MAP1A: variants seen among roughly 807,000 people sequenced by gnomAD.
MAP1A encodes the protein microtubule associated protein 1A, also known as microtubule-associated protein 1A.
Under a neutral mutation model 185.9 loss-of-function variants are expected in MAP1A, and 42 were observed. That is an observed-to-expected ratio of 0.23 (90% CI 0.18 to 0.29). The LOEUF (loss-of-function observed/expected upper bound fraction) is 0.29, where lower values mean the gene tolerates loss of function less well. MAP1A is among the 10% of genes least tolerant of loss of function. The pLI is 1.00. For synonymous variants in MAP1A, 1,229 were observed against 1,335.9 expected (o/e 0.92, Z 1.74); for missense variants, 2,995 against 3,450.4 (o/e 0.87, Z 3.31).
chr15:43,527,293 C>T lies in MAP1A; in HGVS notation c.5820C>T (p.Ser1940=). The T allele has an allele frequency of 6.2e-7, 1 of 1,614,172 alleles. No individual in the cohort carries two copies. Among genetic ancestry groups the T allele is most frequent in the Non-Finnish European group, 8.5e-7 (1 of 1,180,014 alleles). Residue 1940 remains serine, a synonymous_variant, in exon 4 of 6, where the codon AGC becomes AGT. Transcript: ENST00000300231. ...HSSKVPEASK[S]HATTEPEQTE... ...CAAAGGTACCAGAGGCCAGCAAAAG[C>T]CATGCCACCACGGAGCCTGAGCAGA...
At position 43,526,480 on chromosome 15, in the gene MAP1A, G is replaced by T; in HGVS notation, c.5007G>T (p.Pro1669=). 1.2e-6 allele frequency: 2 copies of T among 1,614,074 alleles called. No individual in the cohort carries two copies. Among genetic ancestry groups the T allele is most frequent in the Non-Finnish European group, 1.7e-6 (2 of 1,180,006 alleles). ...EPAGEQKELA[P]AWEDTSPEQD... ...CTGGAGAACAGAAAGAGCTTGCCCC[G>T]GCATGGGAGGACACATCTCCTGAGC... The change falls in exon 4 of 6, where the codon CCG becomes CCT. Residue 1669 remains proline (P), a synonymous_variant. Coordinates refer to ENST00000300231, the MANE Select transcript of MAP1A (RefSeq NM_002373.6). The surrounding 1 kb of genome is among the most constrained non-coding windows in gnomAD (Gnocchi z 4.7).
chr15:43,521,064 T>G lies in MAP1A; in HGVS notation c.-199T>G, dbSNP rs1376024023. On this transcript the variant is annotated 5_prime_UTR_variant, in exon 3 of 6. Coordinates refer to ENST00000300231, the MANE Select transcript of MAP1A (RefSeq NM_002373.6). This position sits in a 1 kb window ranked among gnomAD's most constrained non-coding sequence, Gnocchi z 4.6. ...CTGGGGGAGACCTCATCCTACAGAG[T>G]GGCACCTACTCATATGAAAACTTTG... 1 of 1,550,206 alleles carries G rather than the reference T, an allele frequency of 6.5e-7. No homozygotes were observed.
Position 43,525,441 on chromosome 15 carries a change from T to C in MAP1A, c.3968T>C (p.Phe1323Ser). The change falls in exon 4 of 6, where the codon TTC (phenylalanine) becomes TCC (serine). Residue 1323 changes from phenylalanine (F) to serine (S), a missense_variant. Coordinates refer to ENST00000300231, the MANE Select transcript of MAP1A (RefSeq NM_002373.6). ...DEHILTPDSS[F>S]SKSPESLPGP... ...CACATTCTGACACCTGATAGCTCCT[T>C]CTCCAAGAGTCCTGAGTCTTTGCCA... 1 of 1,614,200 alleles carries C rather than the reference T, an allele frequency of 6.2e-7. No homozygotes were observed. The highest frequency in any genetic ancestry group is 8.5e-7 in the Non-Finnish European group (1 of 1,180,030).
rs752139597 is a variant in MAP1A, at chr15:43,528,545, G to A, written c.7072G>A (p.Ala2358Thr). 11 of 1,613,502 alleles carry A rather than the reference G, an allele frequency of 6.8e-6. No individual in the cohort carries two copies. The East Asian group carries it at 2.5e-4, about 36-fold the overall frequency. ...CTTCCAGGTTCCCTCTGAGGATTGT[G>A]CAGCCAATGGCCCAACTGAAACCAG... ...SPFQVPSEDC[A>T]ANGPTETSPN... The change falls in exon 4 of 6, where the codon GCA (alanine) becomes ACA (threonine). Residue 2358 changes from alanine to threonine, a missense_variant. This residue lies in a region of MAP1A where 2,728 missense variants were observed against 2,986.0 expected (regional missense o/e 0.91). Transcript: ENST00000300231.
Position 43,528,798 on chromosome 15 carries a change from G to A in MAP1A, c.7325G>A (p.Arg2442Gln), listed in dbSNP as rs368781625. The change falls in exon 4 of 6, where the codon CGG becomes CAG. Residue 2442 changes from arginine (R) to glutamine (Q), a missense_variant. Transcript: ENST00000300231. The part of the protein sequence containing the change: ...AGPQGCATEP[R>Q]PHRGELSPSF... Reference sequence around the variant, plus strand: ...CCCCAGGGATGTGCCACTGAGCCTCGGCCCCATCGTGGGGAGCTCTCCCCA... The same window carrying A: ...CCCCAGGGATGTGCCACTGAGCCTCAGCCCCATCGTGGGGAGCTCTCCCCA... 5.0e-6 allele frequency: 8 copies of A among 1,613,220 alleles called. No homozygotes were observed. The highest frequency in any genetic ancestry group is 2.2e-5 in the East Asian group (1 of 44,860).
Position 43,521,004 on chromosome 15 carries a change from TA to T in MAP1A, c.-256del, listed in dbSNP as rs1432770680. ...ATCTTCTTAGCAGCTCATCAGCTTATAAACTACTAATCTTGAGTGGGCAAAG... is the reference window on the plus strand; with the variant it reads ...ATCTTCTTAGCAGCTCATCAGCTTATAACTACTAATCTTGAGTGGGCAAAG... On this transcript the variant is annotated 5_prime_UTR_variant, in exon 3 of 6. Transcript: ENST00000300231. This position sits in a 1 kb window ranked among gnomAD's most constrained non-coding sequence, Gnocchi z 4.6. 6.5e-7 allele frequency: 1 copy of T among 1,550,234 alleles called. No homozygotes were observed. The highest frequency in any genetic ancestry group is 2.0e-5 in the Admixed American group (1 of 51,006).
chr15:43,526,891 T>G lies in MAP1A; in HGVS notation c.5418T>G (p.Val1806=). The G allele has an allele frequency of 6.2e-7, 1 of 1,614,088 alleles. No homozygotes were observed. Among genetic ancestry groups the G allele is most frequent in the Non-Finnish European group, 8.5e-7 (1 of 1,180,004 alleles). The change falls in exon 4 of 6, where the codon GTT becomes GTG. Residue 1806 remains valine, a synonymous_variant. Coordinates refer to ENST00000300231, the MANE Select transcript of MAP1A (RefSeq NM_002373.6). The surrounding 1 kb of genome is among the most constrained non-coding windows in gnomAD (Gnocchi z 4.7). ...ISPPASPPEM[V]GQRVPSAPGQ... ...CTCCAGCTTCCCCACCTGAGATGGT[T>G]GGACAAAGGGTTCCTTCAGCCCCAG...
chr15:43,530,817 AT>A lies in MAP1A; in HGVS notation c.*596del, dbSNP rs1245809382. 6.4e-6 allele frequency: 1 copy of A among 155,190 alleles called. No homozygotes were observed. The highest frequency in any genetic ancestry group is 2.4e-5 in the African/African-American group (1 of 41,370). 9.6% of individuals were successfully genotyped at this position (155,190 alleles called of 1,614,324 possible). On this transcript the variant is annotated 3_prime_UTR_variant, in exon 6 of 6. Coordinates refer to ENST00000300231, the MANE Select transcript of MAP1A (RefSeq NM_002373.6). ...CTTCCCTCAGTATCTGAATGTCTCA[AT>A]TTAAAACTTGAAGCTCTTTAGACCA...
In MAP1A at chr15:43,521,997, C is replaced by G. The variant is rs371281751; in HGVS notation, c.524C>G (p.Pro175Arg). ...HLNRLGIQAE[P>R]LYRVVSNTIE... The stretch of plus-strand genomic sequence containing the variant: ...AACCGCCTGGGCATCCAGGCTGAGC[C>G]TCTATATCGTGTGGTCAGCAATACC... Residue 175 changes from proline to arginine, a missense_variant, in exon 4 of 6, where the codon CCT (proline) becomes CGT (arginine). Coordinates refer to ENST00000300231, the MANE Select transcript of MAP1A (RefSeq NM_002373.6). This position sits in a 1 kb window ranked among gnomAD's most constrained non-coding sequence, Gnocchi z 4.6. The G allele has an allele frequency of 1.9e-6, 3 of 1,614,234 alleles. No individual in the cohort carries two copies. The highest frequency in any genetic ancestry group is 2.5e-6 in the Non-Finnish European group (3 of 1,180,048).
chr15:43,518,285 C>T (rs564808848), intron 1 of MAP1A, among the ~76,000 whole-genome samples: 3 of 152,184 alleles, frequency 2.0e-5, no homozygotes, highest in Admixed American at 1.3e-4. Context: ...CTATTCCCTG[C>T]GGCTAGCTTT....
chr15:43,523,137 G>A lies in MAP1A; in HGVS notation c.1664G>A (p.Gly555Glu). Residue 555 changes from glycine to glutamate, a missense_variant, in exon 4 of 6, where the codon GGA becomes GAA. Physicochemically the swap from Gly to Glu is moderately conservative, Grantham distance 98 (BLOSUM62 -2). Coordinates refer to ENST00000300231, the MANE Select transcript of MAP1A (RefSeq NM_002373.6). Reference sequence around the variant, plus strand: ...GCTGAACAAAGGGACACAGGACTAGGAGATAAGCCATTCCCTCTAGACACT... The same window carrying A: ...GCTGAACAAAGGGACACAGGACTAGAAGATAAGCCATTCCCTCTAGACACT... ...LLAEQRDTGL[G>E]DKPFPLDTAE... 1 of 1,614,172 alleles carries A rather than the reference G, an allele frequency of 6.2e-7. No individual in the cohort carries two copies.
chr15:43,517,328 A>G (rs185655184), upstream of MAP1A, among the ~76,000 whole-genome samples: 1 of 152,216 alleles, frequency 6.6e-6, no homozygotes, highest in Admixed American at 6.5e-5. Flanking sequence ...GTGCCCTAGC[A>G]TGGGGCTTTG....
At position 43,521,078 on chromosome 15, in the gene MAP1A, A is replaced by T; in HGVS notation, c.-185A>T. 6.5e-7 allele frequency: 1 copy of T among 1,549,940 alleles called. No individual in the cohort carries two copies. Among genetic ancestry groups the T allele is most frequent in the Non-Finnish European group, 8.7e-7 (1 of 1,146,992 alleles). On this transcript the variant is annotated 5_prime_UTR_variant, in exon 3 of 6. It removes an upstream start codon present in the reference 5' UTR. Coordinates refer to ENST00000300231, the MANE Select transcript of MAP1A (RefSeq NM_002373.6). This position sits in a 1 kb window ranked among gnomAD's most constrained non-coding sequence, Gnocchi z 4.6. ...ATCCTACAGAGTGGCACCTACTCAT[A>T]TGAAAACTTTGCCCAGGTCCTTCAC...
At chr15:43,520,561 C>T in intron 1 of MAP1A, 80 bp from the exon 2 acceptor site, 9 of 941,734 alleles carry the variant, frequency 9.6e-6, no homozygotes, top group Non-Finnish European at 1.5e-5. Context: ...AGCCCCATTT[C>T]CTGATAGCAC....
chr15:43,516,644 G>C (rs1402154481), upstream of MAP1A, among the ~76,000 whole-genome samples: 1 of 152,120 alleles, frequency 6.6e-6, no homozygotes, highest in Non-Finnish European at 1.5e-5. Context: ...AGAGACTAAG[G>C]GAAACAGGAT....
chr15:43,525,578 C>T lies in MAP1A; in HGVS notation c.4105C>T (p.Gln1369Ter). 1 of 1,614,174 alleles carries T rather than the reference C, an allele frequency of 6.2e-7. No homozygotes were observed. Among genetic ancestry groups the T allele is most frequent in the Non-Finnish European group, 8.5e-7 (1 of 1,180,032 alleles). The change falls in exon 4 of 6, where the codon CAG becomes TAG. Residue 1369 changes from glutamine (Q) to a stop codon, truncating the protein, a stop_gained. Transcript: ENST00000300231. LOFTEE classifies it high-confidence loss of function. Reference sequence around the variant, plus strand: ...TGAGCCAAAGGATGAAGTTTTACAGCAGAAAGACAAAACTCTGGAGCACAA... The same window carrying T: ...TGAGCCAAAGGATGAAGTTTTACAGTAGAAAGACAAAACTCTGGAGCACAA... ...EPEPKDEVLQ[Q>*]KDKTLEHKEV...
At position 43,527,198 on chromosome 15, in the gene MAP1A, T is replaced by C. The variant is rs199523957; in HGVS notation, c.5725T>C (p.Tyr1909His). 720 of 1,614,006 alleles carry C rather than the reference T, an allele frequency of 4.5e-4. 3 individuals are homozygous for C. Among genetic ancestry groups the C allele is most frequent in the Non-Finnish European group, 3.7e-5 (44 of 1,179,974 alleles). ...GCCATACTCCCCCCTGGGGAAGGACTACCGCAAGGCTGAAGGGGAAAGGGA... is the reference window on the plus strand; with the variant it reads ...GCCATACTCCCCCCTGGGGAAGGACCACCGCAAGGCTGAAGGGGAAAGGGA... ...GGPYSPLGKD[Y>H]RKAEGEREEE... Residue 1909 changes from tyrosine (Y) to histidine (H), a missense_variant, in exon 4 of 6, where the codon TAC (tyrosine) becomes CAC (histidine). Tyr to His is a moderately conservative substitution (Grantham distance 83, BLOSUM62 2). Coordinates refer to ENST00000300231, the MANE Select transcript of MAP1A (RefSeq NM_002373.6).
rs768718381 is a variant in MAP1A, at chr15:43,525,389, C to A, written c.3916C>A (p.Pro1306Thr). 4 of 1,614,120 alleles carry A rather than the reference C, an allele frequency of 2.5e-6. No homozygotes were observed. The highest frequency in any genetic ancestry group is 1.3e-5 in the African/African-American group (1 of 75,060). The change falls in exon 4 of 6, where the codon CCT (proline) becomes ACT (threonine). Residue 1306 changes from proline to threonine, a missense_variant. Pro to Thr is a conservative substitution (Grantham distance 38, BLOSUM62 -1). This residue lies in a region of MAP1A where 2,728 missense variants were observed against 2,986.0 expected (regional missense o/e 0.91). Transcript: ENST00000300231. Reference protein sequence around the residue: ...STPSGNGKYLPGAITSPDEHI... With the variant: ...STPSGNGKYLTGAITSPDEHI... The stretch of plus-strand genomic sequence containing the variant: ...ACCTTCAGGAAATGGGAAGTACTTA[C>A]CTGGGGCGATCACAAGCCCTGATGA...
chr15:43,518,602 C>T (rs1476415257), intron 1 of MAP1A, among the ~76,000 whole-genome samples: 1 of 151,998 alleles, frequency 6.6e-6, no homozygotes, highest in Non-Finnish European at 1.5e-5. Flanking sequence ...AGCGCGCACA[C>T]TCACACACTG....
Sources: gnomAD v4.1 joint callset for allele counts (sites outside exome capture counted in the v4.1 genomes callset) on GRCh38, gnomAD v4.1.1 for gene constraint, gnomAD v4.1.1 regional missense constraint, Gnocchi (gnomAD v3.1) non-coding constraint, MANE v1.5 for transcripts, NCBI Gene and HGNC (gene_info 2026-07-23, HGNC 2026-07-21) for gene names.